Variants in STAT5A observed in about 807,000 individuals in gnomAD.
STAT5A encodes epididymis secretory sperm binding protein.
STAT5A carries 26 observed loss-of-function variants against 100.2 expected under a neutral mutation model. The ratio of observed to expected loss-of-function variants is 0.26; its 90% CI spans 0.19 to 0.36. STAT5A has a LOEUF of 0.36. STAT5A is among the 10% of genes least tolerant of loss of function. The pLI is 1.00. For synonymous variants in STAT5A, 330 were observed against 424.3 expected, an observed-to-expected ratio of 0.78 and a Z score of 2.73; for missense variants, 634 against 1,027.5, an observed-to-expected ratio of 0.62 and a Z score of 5.24.
Position 42,298,286 on chromosome 17 carries a change from A to G in STAT5A, c.551-1465A>G, listed in dbSNP as rs568490335. ...AGCAATTCTCCTGCCTCAGCCTCCT[A>G]AGTAGCTGGGATTACAGGCATGCGC... On this transcript the variant is annotated intron_variant, in intron 5 of 18. Transcript: ENST00000590949. Among the ~76,000 whole-genome samples, 34 of 147,470 alleles carry G rather than the reference A, an allele frequency of 2.3e-4. No homozygotes were observed. In the South Asian group the frequency reaches 6.9e-3, roughly 30 times the overall value.
In STAT5A at chr17:42,304,229, G is replaced by A. The variant is rs992029211; in HGVS notation, c.1170-113G>A. 18 of 952,248 alleles carry A rather than the reference G, an allele frequency of 1.9e-5. No individual in the cohort carries two copies. Among genetic ancestry groups the A allele is most frequent in the East Asian group, 1.0e-4 (4 of 38,914 alleles). The allele number at this position is 952,248 out of a possible 1,614,324, so 59.0% of individuals were successfully genotyped here. On this transcript the variant is annotated intron_variant, in intron 9 of 18. Transcript: ENST00000590949. This position sits in a 1 kb window ranked among gnomAD's most constrained non-coding sequence, Gnocchi z 4.8. ...AAGAAACACTCTTAGGGGATACGGGGCAGGGGCTGCTGGCAGGGCTGACCT... is the reference window on the plus strand; with the variant it reads ...AAGAAACACTCTTAGGGGATACGGGACAGGGGCTGCTGGCAGGGCTGACCT...
chr17:42,292,145 A>C, intron 4 of STAT5A, 84 bp downstream of exon 4: 1 of 1,503,964 alleles, frequency 6.6e-7, no homozygotes, highest in East Asian at 2.3e-5. Context: ...GTTTATATAA[A>C]ACAGCAGCAC....
Position 42,289,345 on chromosome 17 carries a change from AGGCCCGGTTCC to A in STAT5A, c.-10-56_-10-46del, listed in dbSNP as rs1479739629. 2.0e-6 allele frequency: 3 copies of A among 1,492,044 alleles called. No homozygotes were observed. The African/African-American group carries it at 4.2e-5, about 21-fold the overall frequency. 92.4% of individuals were successfully genotyped at this position (1,492,044 alleles called of 1,614,324 possible). On this transcript the variant is annotated intron_variant, in intron 1 of 18. Coordinates refer to ENST00000590949, the MANE Select transcript of STAT5A (RefSeq NM_001288718.2). ...AGGTAGGCATGGCAAGGCCAGGGGCAGGCCCGGTTCCTTGGCCTCTGCAGAGGAGAGCGCTT... is the reference window on the plus strand; with the variant it reads ...AGGTAGGCATGGCAAGGCCAGGGGCATTGGCCTCTGCAGAGGAGAGCGCTT...
At chr17:42,301,030 A>G (rs2080972763) in intron 8 of STAT5A, among the ~76,000 whole-genome samples, 160 bp downstream of exon 8, 1 of 151,940 alleles carries the variant, frequency 6.6e-6, no homozygotes, top group Non-Finnish European at 1.5e-5. Flanking sequence ...GCCCTTGCCC[A>G]GTTTCTCCTG....
chr17:42,310,264 A>G (rs568237354), intron 18 of STAT5A, among the ~76,000 whole-genome samples: 32 of 152,386 alleles, frequency 2.1e-4, no homozygotes, highest in Non-Finnish European at 4.4e-4. Flanking sequence ...GAGGACACGG[A>G]GAGGGGAAAT....
intron 3 of STAT5A, chr17:42,290,281 G>A (rs1214794066): frequency 1.1e-5 from 4 of 369,436 alleles, no homozygotes; most frequent in Non-Finnish European, 1.9e-5. Context: ...AGCAGCAGAA[G>A]GGATGGAGGG....
In STAT5A at chr17:42,308,859, C is replaced by T; in HGVS notation, c.2063-188C>T. On this transcript the variant is annotated intron_variant, in intron 16 of 18. Coordinates refer to ENST00000590949, the MANE Select transcript of STAT5A (RefSeq NM_001288718.2). The surrounding 1 kb of genome is among the most constrained non-coding windows in gnomAD (Gnocchi z 4.6). Reference sequence around the variant, plus strand: ...AGAACCAGAAGGAATGGGATTCAAGCCAGGGGTCTCAGTGACCCTCAGGCA... The same window carrying T: ...AGAACCAGAAGGAATGGGATTCAAGTCAGGGGTCTCAGTGACCCTCAGGCA... 2 of 682,948 alleles carry T rather than the reference C, an allele frequency of 2.9e-6. No individual in the cohort carries two copies. The highest frequency in any genetic ancestry group is 5.1e-6 in the Non-Finnish European group (2 of 394,870). 42.3% of individuals were successfully genotyped at this position (682,948 alleles called of 1,614,324 possible). A position where few individuals can be genotyped will look rare whatever the true frequency, so the allele number is the denominator to read the frequency against.
intron 3 of STAT5A, among the ~76,000 whole-genome samples, chr17:42,290,712 A>G (rs111966482): frequency 0.057 from 8,725 of 152,290 alleles, 792 homozygotes; most frequent in African/African-American, 0.2. Flanking sequence ...TGACCTTGGC[A>G]TCAGATGCCC....
chr17:42,305,821 G>T, intron 12 of STAT5A, 119 bp downstream of exon 12: 1 of 1,071,414 alleles, frequency 9.3e-7, no homozygotes, highest in Non-Finnish European at 1.3e-6. Context: ...CAGCCCAGAG[G>T]TGAGGTGAGG....
Position 42,298,947 on chromosome 17 carries a change from G to A in STAT5A, c.551-804G>A, listed in dbSNP as rs551997217. On this transcript the variant is annotated intron_variant, in intron 5 of 18. Coordinates refer to ENST00000590949, the MANE Select transcript of STAT5A (RefSeq NM_001288718.2). ...CTGCATCCCCAGTGGCCCTGGACAC[G>A]CTCTCCCTCTGCGGTCTGTCTATCT... Among the ~76,000 whole-genome samples, 15 of 152,028 alleles carry A rather than the reference G, an allele frequency of 9.9e-5. 1 individual carries two copies. The East Asian group carries it at 1.5e-3, about 16-fold the overall frequency.
chr17:42,306,100 C>T (rs1361763574), intron 12 of STAT5A, 141 bp from the exon 13 acceptor site: 2 of 1,449,828 alleles, frequency 1.4e-6, no homozygotes, highest in Non-Finnish European at 1.9e-6. Flanking sequence ...AAAGCCGCCG[C>T]ATTTCCTGCC....
chr17:42,297,181 C>T (rs2080926974), intron 5 of STAT5A, among the ~76,000 whole-genome samples: 1 of 152,076 alleles, frequency 6.6e-6, no homozygotes, highest in Admixed American at 6.6e-5. Context: ...GAGTGATCTG[C>T]CTGCCTCGGC....
At chr17:42,299,730 G>C in intron 5 of STAT5A, 21 bp from the exon 6 acceptor site, 2 of 1,614,162 alleles carry the variant, frequency 1.2e-6, no homozygotes, top group Non-Finnish European at 1.7e-6. Flanking sequence ...GATGGTCATG[G>C]TTTCCTCTTC....
At chr17:42,300,919 C>T (rs2080971535) in intron 8 of STAT5A, 49 bp downstream of exon 8, 9 of 1,609,706 alleles carry the variant, frequency 5.6e-6, no homozygotes, top group Non-Finnish European at 7.6e-6. Context: ...CAGCTCCTGC[C>T]TGCGTGGGGG....
chr17:42,291,511 G>A (rs2080868343), intron 3 of STAT5A, among the ~76,000 whole-genome samples: 2 of 152,086 alleles, frequency 1.3e-5, no homozygotes, highest in Non-Finnish European at 2.9e-5. Context: ...GAGGTCGGGA[G>A]TTCGAGACCA....
chr17:42,299,661 G>T (rs1044581127), intron 5 of STAT5A, 90 bp from the exon 6 acceptor site: 4 of 1,597,390 alleles, frequency 2.5e-6, no homozygotes, highest in Admixed American at 1.7e-5. Context: ...GCCTGGGAGG[G>T]TCTCGCTCCA....
Position 42,308,654 on chromosome 17 carries a change from ACCT to A in STAT5A, c.2062+323_2062+325del. On this transcript the variant is annotated intron_variant, in intron 16 of 18. Coordinates refer to ENST00000590949, the MANE Select transcript of STAT5A (RefSeq NM_001288718.2). This position sits in a 1 kb window ranked among gnomAD's most constrained non-coding sequence, Gnocchi z 4.6. Reference sequence around the variant, plus strand: ...GCCCACAGATAGTGCTCCGCTCCCCACCTCACCAGCTGCTCTCCACACCCTGCT... The same window carrying A: ...GCCCACAGATAGTGCTCCGCTCCCCACACCAGCTGCTCTCCACACCCTGCT... 1 of 487,660 alleles carries A rather than the reference ACCT, an allele frequency of 2.1e-6. No individual in the cohort carries two copies. The allele number at this position is 487,660 out of a possible 1,614,324, so 30.2% of individuals were successfully genotyped here. A position where few individuals can be genotyped will look rare whatever the true frequency, so the allele number is the denominator to read the frequency against.
At chr17:42,293,164 G>A (rs113664097) in intron 4 of STAT5A, among the ~76,000 whole-genome samples, 182 of 152,284 alleles carry the variant, frequency 1.2e-3, no homozygotes, top group African/African-American at 3.8e-3. Flanking sequence ...AACAGTGACC[G>A]GAGCACAGGT....
At chr17:42,305,576 G>GC in intron 11 of STAT5A, 34 bp from the exon 12 acceptor site, 2 of 1,592,020 alleles carry the variant, frequency 1.3e-6, no homozygotes, top group Non-Finnish European at 1.7e-6. Context: ...TGGTGGTCAC[G>GC]CCCCATCAAC....
Sources: allele counts gnomAD v4.1 joint callset (sites outside exome capture counted in the v4.1 genomes callset), GRCh38; gene constraint gnomAD v4.1.1; non-coding constraint Gnocchi (gnomAD v3.1); transcripts MANE v1.5; gene names NCBI Gene and HGNC (gene_info 2026-07-23, HGNC 2026-07-21).